Variants in GALC observed in about 807,000 individuals in gnomAD.
GALC encodes the protein galactocerebrosidase.
A neutral mutation model predicts 91.8 loss-of-function variants in GALC; 77 were observed. That is an observed-to-expected ratio of 0.84 (90% confidence interval 0.70 to 1.01). GALC has a LOEUF of 1.01. GALC is among the 50% of genes least tolerant of loss of function. The probability of loss-of-function intolerance (pLI) is 0.00; values close to 1 mark genes in which losing one functional copy is unlikely to be tolerated. For missense variants in GALC, 882 were observed against 855.9 expected, an observed-to-expected ratio of 1.03 and a Z score of -0.38; for synonymous variants, 357 against 306.7, an observed-to-expected ratio of 1.16 and a Z score of -1.71.
upstream of GALC, chr14:87,993,526 G>T (rs1234152081): frequency 6.7e-7 from 1 of 1,495,142 alleles, no homozygotes; most frequent in Non-Finnish European, 9.0e-7. Context: ...CTCGTGCGAG[G>T]ACCAGGCTTG....
At chr14:87,940,044 A>G in intron 15 of GALC, 63 bp from the exon 16 acceptor site, 6 of 1,312,286 alleles carry the variant, frequency 4.6e-6, no homozygotes, top group African/African-American at 1.5e-5. Flanking sequence ...AGAATCATAT[A>G]ATTCAGTGGG....
chr14:87,991,155 G>A (rs1198515164), intron 1 of GALC, among the ~76,000 whole-genome samples: 1 of 152,232 alleles, frequency 6.6e-6, no homozygotes, highest in East Asian at 1.9e-4. Context: ...CTTCTCTTTA[G>A]TCTACATTCT....
chr14:87,936,450 T>C (rs531563175), intron 16 of GALC, among the ~76,000 whole-genome samples: 1 of 152,022 alleles, frequency 6.6e-6, no homozygotes, highest in East Asian at 2.0e-4. Flanking sequence ...CTATTGTCTA[T>C]GGCTTTTTTA....
At chr14:87,984,893 G>C (rs1886905702) in intron 4 of GALC, among the ~76,000 whole-genome samples, 2 of 152,062 alleles carry the variant, frequency 1.3e-5, no homozygotes, top group African/African-American at 4.8e-5. Context: ...TTCAACTTCT[G>C]TTCTTTGAGG....
At chr14:87,952,240 T>C (rs1199117639) in intron 10 of GALC, among the ~76,000 whole-genome samples, 1 of 151,712 alleles carries the variant, frequency 6.6e-6, no homozygotes, top group Non-Finnish European at 1.5e-5. Flanking sequence ...GCCAGACTAA[T>C]AAAAAATCAG....
chr14:87,984,135 CAAAA>C (rs36113094), intron 5 of GALC, among the ~76,000 whole-genome samples: 8 of 116,272 alleles, frequency 6.9e-5, no homozygotes, highest in Non-Finnish European at 1.2e-4. Flanking sequence ...TGGGTTGATA[CAAAA>C]AAAAAAAAAA....
At chr14:87,982,289 T>C (rs1436685192) in intron 5 of GALC, 46 bp from the exon 6 acceptor site, 2 of 1,297,632 alleles carry the variant, frequency 1.5e-6, no homozygotes, top group Non-Finnish European at 2.2e-6. Flanking sequence ...AGTTACAAAA[T>C]GTCAGAAAGC....
intron 10 of GALC, chr14:87,955,085 T>C (rs1885468635): frequency 7.5e-7 from 1 of 1,340,676 alleles, no homozygotes; most frequent in Non-Finnish European, 1.1e-6. Context: ...GAACCTTGTG[T>C]ATCAAAGATT....
chr14:87,950,561 G>A, intron 11 of GALC, 98 bp downstream of exon 11: 1 of 773,834 alleles, frequency 1.3e-6, no homozygotes, highest in East Asian at 2.8e-5. Flanking sequence ...ACTGTTAAAA[G>A]TTCATAATAT....
chr14:87,972,543 T>C (rs1311105328), intron 7 of GALC, among the ~76,000 whole-genome samples: 1 of 152,168 alleles, frequency 6.6e-6, no homozygotes, highest in Non-Finnish European at 1.5e-5. Context: ...TACTTTTATA[T>C]ATGTATGTAT....
At position 87,984,499 on chromosome 14, in the gene GALC, T is replaced by C. The variant is rs1886887583; in HGVS notation, c.477A>G (p.Lys159=). 1.9e-6 allele frequency: 3 copies of C among 1,613,868 alleles called. No homozygotes were observed. The highest frequency in any genetic ancestry group is 2.5e-6 in the Non-Finnish European group (3 of 1,179,848). ...GATTGACATAAGGCCAGTCGAAACC[T>C]TTTCCCAGCCATCCAGGGAATGACC... ...LPWSFPGWLG[K]GFDWPYVNLQ... is the part of the protein sequence containing the mutation. Residue 159 remains lysine (K), a synonymous_variant, in exon 5 of 17, where the codon AAA becomes AAG. Transcript: ENST00000261304.
intron 14 of GALC, among the ~76,000 whole-genome samples, chr14:87,945,187 C>T (rs958016010): frequency 2.6e-5 from 4 of 151,998 alleles, no homozygotes; most frequent in African/African-American, 9.6e-5. Flanking sequence ...GATGGCAACA[C>T]CAGATCAACA....
intron 7 of GALC, among the ~76,000 whole-genome samples, chr14:87,972,139 A>T (rs913904092): frequency 6.7e-6 from 1 of 150,004 alleles, no homozygotes; most frequent in African/African-American, 2.5e-5. Flanking sequence ...CTAAATGACC[A>T]TTAAAAAATA....
intron 10 of GALC, chr14:87,954,406 G>A: frequency 6.3e-7 from 1 of 1,596,426 alleles, no homozygotes; most frequent in East Asian, 2.2e-5. Context: ...TTGTATTATG[G>A]AGTCCTGGAG....
intron 11 of GALC, 134 bp downstream of exon 11, chr14:87,950,525 C>G (rs1006855775): frequency 4.8e-6 from 3 of 630,806 alleles, no homozygotes; most frequent in East Asian, 2.9e-5. Context: ...CAGAAGACAC[C>G]AGGGCCTCTG....
intron 14 of GALC, among the ~76,000 whole-genome samples, chr14:87,942,971 GA>G (rs1884920330): frequency 1.3e-5 from 2 of 151,986 alleles, no homozygotes; most frequent in African/African-American, 4.8e-5. Context: ...TGGTTCATCA[GA>G]AGTTTGAAAG....
chr14:87,945,873 G>A, intron 13 of GALC, 140 bp from the exon 14 acceptor site: 1 of 658,406 alleles, frequency 1.5e-6, no homozygotes, highest in Non-Finnish European at 2.6e-6. Flanking sequence ...TTAGGGCCTA[G>A]GTCTAATAAA....
At chr14:87,937,145 T>C (rs895452160) in intron 16 of GALC, among the ~76,000 whole-genome samples, 1 of 151,678 alleles carries the variant, frequency 6.6e-6, no homozygotes, top group Non-Finnish European at 1.5e-5. Flanking sequence ...AGCTGTAATT[T>C]GGAATATGGG....
intron 1 of GALC, 125 bp downstream of exon 1, chr14:87,992,845 C>G (rs1227477862): frequency 1.4e-6 from 2 of 1,406,350 alleles, no homozygotes; most frequent in Non-Finnish European, 1.8e-6. Flanking sequence ...GACTGGCACC[C>G]TAGGGGAATG....
Sources: allele counts gnomAD v4.1 joint callset (sites outside exome capture counted in the v4.1 genomes callset), GRCh38; gene constraint gnomAD v4.1.1; transcripts MANE v1.5; gene names NCBI Gene and HGNC (gene_info 2026-07-23, HGNC 2026-07-21).